The following DHX30 variants were observed in gnomAD, a reference collection of about 807,000 sequenced individuals.
The protein encoded by DHX30 is ATP-dependent RNA helicase DHX30.
In DHX30, 4 loss-of-function variants were observed where a neutral mutation model predicts 116.9. The observed-to-expected ratio is 0.03, with a 90% CI of 0.02 to 0.08. The LOEUF (loss-of-function observed/expected upper bound fraction) is 0.08. DHX30 is among the 10% of genes least tolerant of loss of function. The pLI, the probability that DHX30 is intolerant of heterozygous loss-of-function variation, is 1.00. For missense variants in DHX30, 871 were observed against 1,595.1 expected (o/e 0.55, Z 7.73); for synonymous variants, 697 against 651.7 (o/e 1.07, Z -1.06).
chr3:47,838,031 CA>C (rs1225131414), intron 6 of DHX30, among the ~76,000 whole-genome samples: 1 of 152,126 alleles, frequency 6.6e-6, no homozygotes, highest in Non-Finnish European at 1.5e-5. Context: ...GTTGCAAAGG[CA>C]GGGGGAGAAC....
Position 47,848,639 on chromosome 3 carries a change from G to A in DHX30, c.2591G>A (p.Arg864Gln), listed in dbSNP as rs757095833. The part of the protein sequence containing the change: ...LLQEIGVLDQ[R>Q]EYLTTLGQRL... ...GCCGTTGCAGGGGTGCTGGACCAGC[G>A]GGAGTACCTGACTACCCTGGGGCAG... The change falls in exon 17 of 22, where the codon CGG becomes CAG. Residue 864 changes from arginine to glutamine, a missense_variant. Arg to Gln is a conservative substitution (Grantham distance 43, BLOSUM62 1). Coordinates refer to ENST00000445061, the MANE Select transcript of DHX30 (RefSeq NM_138615.3). This position sits in a 1 kb window ranked among gnomAD's most constrained non-coding sequence, Gnocchi z 9.4. 18 of 1,613,968 alleles carry A rather than the reference G, an allele frequency of 1.1e-5. 1 individual carries two copies. Among genetic ancestry groups the A allele is most frequent in the South Asian group, 5.5e-5 (5 of 91,082 alleles).
chr3:47,811,455 G>A (rs1170300365), intron 3 of DHX30, among the ~76,000 whole-genome samples: 5 of 152,054 alleles, frequency 3.3e-5, no homozygotes, highest in African/African-American at 4.8e-5. Flanking sequence ...GTGCTTTTAC[G>A]ATGCATAGCA....
chr3:47,841,806 C>T, intron 8 of DHX30, 69 bp downstream of exon 8: 2 of 1,610,322 alleles, frequency 1.2e-6, no homozygotes, highest in Admixed American at 1.7e-5. Context: ...TCCCTAAAGG[C>T]AGGTTTAGAG....
At chr3:47,805,293 T>G (rs1471495690) in intron 1 of DHX30, 33 bp from the exon 2 acceptor site, 1 of 399,038 alleles carries the variant, frequency 2.5e-6, no homozygotes, top group Non-Finnish European at 4.4e-6. Flanking sequence ...CTATGGGGCC[T>G]CCACTGTATT....
At chr3:47,832,262 A>G (rs945695878) in intron 6 of DHX30, among the ~76,000 whole-genome samples, 3 of 151,926 alleles carry the variant, frequency 2.0e-5, no homozygotes, top group African/African-American at 7.3e-5. Context: ...ACTGCCATGC[A>G]TTTCGTCCTC....
chr3:47,847,471 A>C lies in DHX30; in HGVS notation c.2045A>C (p.Lys682Thr). The part of the protein sequence containing the change: ...LCFLPGWQEI[K>T]GVQQRLQEAL... ...TTCCTGCCTGGGTGGCAGGAGATCA[A>C]AGGAGTGCAGCAGCGCCTCCAGGAG... The change falls in exon 13 of 22, where the codon AAA becomes ACA. Residue 682 changes from lysine to threonine, a missense_variant. By Grantham distance (78) the Lys-to-Thr change is moderately conservative. This residue lies in a region of DHX30 where 49 missense variants were observed against 60.9 expected (regional missense o/e 0.80). Coordinates refer to ENST00000445061, the MANE Select transcript of DHX30 (RefSeq NM_138615.3). This position sits in a 1 kb window ranked among gnomAD's most constrained non-coding sequence, Gnocchi z 5.5. The C allele has an allele frequency of 6.2e-7, 1 of 1,613,372 alleles. No individual in the cohort carries two copies. The highest frequency in any genetic ancestry group is 8.5e-7 in the Non-Finnish European group (1 of 1,179,506).
At chr3:47,827,849 A>G (rs2036613909) in intron 5 of DHX30, among the ~76,000 whole-genome samples, 1 of 152,012 alleles carries the variant, frequency 6.6e-6, no homozygotes, top group South Asian at 2.1e-4. Flanking sequence ...TGATTTTTTA[A>G]CATTTATTTT....
At chr3:47,818,709 G>A (rs1479994934) in intron 4 of DHX30, among the ~76,000 whole-genome samples, 1 of 152,116 alleles carries the variant, frequency 6.6e-6, no homozygotes, top group African/African-American at 2.4e-5. Flanking sequence ...CAGTACCCAG[G>A]GATGGCGCCA....
At chr3:47,834,428 G>T (rs2037009880) in intron 6 of DHX30, among the ~76,000 whole-genome samples, 1 of 151,746 alleles carries the variant, frequency 6.6e-6, no homozygotes, top group Admixed American at 6.6e-5. Context: ...TTTGTGTCTG[G>T]TTTACTTAGC....
intron 4 of DHX30, among the ~76,000 whole-genome samples, chr3:47,821,560 TGCCCA>T (rs2036301192): frequency 6.6e-6 from 1 of 151,956 alleles, no homozygotes; most frequent in Non-Finnish European, 1.5e-5. Flanking sequence ...TGAGCCACCG[TGCCCA>T]GCCCTTTTTT....
intron 9 of DHX30, among the ~76,000 whole-genome samples, chr3:47,844,048 G>C (rs1490264918): frequency 6.6e-6 from 1 of 152,232 alleles, no homozygotes; most frequent in Non-Finnish European, 1.5e-5. Context: ...TGATGGCACA[G>C]TAGTGGGAGG....
At chr3:47,836,786 C>G (rs2037137223) in intron 6 of DHX30, among the ~76,000 whole-genome samples, 1 of 152,242 alleles carries the variant, frequency 6.6e-6, no homozygotes, top group Admixed American at 6.5e-5. Flanking sequence ...GCTGGGATTA[C>G]AGGTGTGAGC....
rs189962776 is a variant in DHX30 at position 47,828,582 on chromosome 3, T to C, written c.256-442T>C. Among the ~76,000 whole-genome samples, 6 of 151,834 alleles carry C rather than the reference T, an allele frequency of 4.0e-5. No homozygotes were observed. In the East Asian group the frequency reaches 9.7e-4, roughly 25 times the overall value. ...GTCAGGAGATCGAGACCATCCTGGC[T>C]AACATAGTGAAATCCCGTCTCTACT... On this transcript the variant is annotated intron_variant, in intron 5 of 21. Transcript: ENST00000445061.
intron 4 of DHX30, chr3:47,825,252 G>T: frequency 1.7e-6 from 1 of 585,416 alleles, no homozygotes; most frequent in Non-Finnish European, 3.0e-6. Flanking sequence ...TGAACGGTGA[G>T]GGCATCGGCG....
chr3:47,828,426 C>T (rs1320842486), intron 5 of DHX30, among the ~76,000 whole-genome samples: 1 of 146,958 alleles, frequency 6.8e-6, no homozygotes, highest in Non-Finnish European at 1.5e-5. Context: ...TGCCACTGCA[C>T]TCCAGCCTGG....
In DHX30 at chr3:47,847,369, C is replaced by G. The variant is rs1277378274; in HGVS notation, c.2005+21C>G. 5 of 1,614,242 alleles carry G rather than the reference C, an allele frequency of 3.1e-6. No individual in the cohort carries two copies. Among genetic ancestry groups the G allele is most frequent in the Non-Finnish European group, 4.2e-6 (5 of 1,180,034 alleles). On this transcript the variant is annotated intron_variant, in intron 12 of 21. Transcript: ENST00000445061. This position sits in a 1 kb window ranked among gnomAD's most constrained non-coding sequence, Gnocchi z 5.5. ...ACCAGGTGGGTGCCTCCCCATCTGT[C>G]CCATGCTAGCCCTGGCCACGTTTGC...
chr3:47,832,314 C>T (rs1164736359), intron 6 of DHX30, among the ~76,000 whole-genome samples: 1 of 152,138 alleles, frequency 6.6e-6, no homozygotes, highest in Non-Finnish European at 1.5e-5. Flanking sequence ...CTCTAGGTCA[C>T]TCTCAAGTAC....
Position 47,841,159 on chromosome 3 carries a change from G to C in DHX30, c.649G>C (p.Ala217Pro). 4 of 1,613,896 alleles carry C rather than the reference G, an allele frequency of 2.5e-6. No individual in the cohort carries two copies. Among genetic ancestry groups the C allele is most frequent in the Non-Finnish European group, 3.4e-6 (4 of 1,179,986 alleles). ...FLSMTQQDSH[A>P]PLRDSRGSSF... ...GTCCATGACCCAGCAGGATTCCCAC[G>C]CTCCACTCAGGGACTCAAGGTACAG... The change falls in exon 7 of 22, where the codon GCT becomes CCT. Residue 217 changes from alanine to proline, a missense_variant. By Grantham distance (27) the Ala-to-Pro change is conservative. Transcript: ENST00000445061.
chr3:47,810,733 T>C, intron 3 of DHX30, 22 bp downstream of exon 3: 1 of 1,613,338 alleles, frequency 6.2e-7, no homozygotes, highest in Non-Finnish European at 8.5e-7. Flanking sequence ...ACTGTGCTTG[T>C]GACCTCATGC....
Sources: gnomAD v4.1 joint callset for allele counts (sites outside exome capture counted in the v4.1 genomes callset) on GRCh38, gnomAD v4.1.1 for gene constraint, gnomAD v4.1.1 regional missense constraint, Gnocchi (gnomAD v3.1) non-coding constraint, MANE v1.5 for transcripts, NCBI Gene and HGNC (gene_info 2026-07-23, HGNC 2026-07-21) for gene names.